The following SEPTIN11 variants were observed in gnomAD, a reference collection of about 807,000 sequenced individuals.
SEPTIN11 encodes septin 11.
A neutral mutation model predicts 51.4 loss-of-function variants in SEPTIN11; 25 were observed. The ratio of observed to expected loss-of-function variants is 0.49; its 90% confidence interval spans 0.35 to 0.68. SEPTIN11 has a LOEUF of 0.68. Ranked by LOEUF, SEPTIN11 falls within the 30% of genes least tolerant of loss-of-function variation. SEPTIN11 has a pLI of 0.00. For missense variants in SEPTIN11, 381 were observed against 520.8 expected, an observed-to-expected ratio of 0.73 and a Z score of 2.61; for synonymous variants, 174 against 184.1, an observed-to-expected ratio of 0.95 and a Z score of 0.44.
chr4:76,974,317 G>C (rs1722385983), intron 1 of SEPTIN11, among the ~76,000 whole-genome samples: 2 of 152,148 alleles, frequency 1.3e-5, no homozygotes, highest in Admixed American at 6.5e-5. Flanking sequence ...TTAAAGGTCA[G>C]TGACTCATGT....
At chr4:76,966,540 A>G (rs1227355804) in intron 1 of SEPTIN11, among the ~76,000 whole-genome samples, 1 of 152,086 alleles carries the variant, frequency 6.6e-6, no homozygotes, top group African/African-American at 2.4e-5. Context: ...TAAATCTAAC[A>G]ATAATACATC....
At chr4:77,012,985 G>T (rs972562792) in intron 4 of SEPTIN11, among the ~76,000 whole-genome samples, 2 of 152,178 alleles carry the variant, frequency 1.3e-5, no homozygotes, top group Non-Finnish European at 2.9e-5. Context: ...AGCCATGATA[G>T]TGGAGAGATC....
At chr4:76,960,002 T>C (rs549078490) in intron 1 of SEPTIN11, among the ~76,000 whole-genome samples, 1 of 152,332 alleles carries the variant, frequency 6.6e-6, no homozygotes, top group South Asian at 2.1e-4. Flanking sequence ...AACAATCTAA[T>C]TGTACTCTTT....
At chr4:77,004,878 A>C (rs1247059146) in intron 2 of SEPTIN11, among the ~76,000 whole-genome samples, 1 of 152,170 alleles carries the variant, frequency 6.6e-6, no homozygotes, top group Non-Finnish European at 1.5e-5. Context: ...TGGGAGGATC[A>C]CTTGAATCCA....
chr4:76,949,892 G>T lies in SEPTIN11; in HGVS notation c.-12G>T. ...GCACCCGGGCGCAGCCGGAGCCGGT[G>T]CCGCAGCTGCGATGGCCGTGGCCGT... On this transcript the variant is annotated 5_prime_UTR_variant, in exon 1 of 10. Transcript: ENST00000264893. 1 of 1,528,498 alleles carries T rather than the reference G, an allele frequency of 6.5e-7. No homozygotes were observed. Among genetic ancestry groups the T allele is most frequent in the South Asian group, 1.2e-5 (1 of 82,364 alleles). 94.7% of individuals were successfully genotyped at this position (1,528,498 alleles called of 1,614,324 possible).
In SEPTIN11 at chr4:77,015,032, CA is replaced by C. The variant is rs1395846062; in HGVS notation, c.687+18del. 2.5e-6 allele frequency: 4 copies of C among 1,609,554 alleles called. No homozygotes were observed. Among genetic ancestry groups the C allele is most frequent in the Non-Finnish European group, 3.4e-6 (4 of 1,177,426 alleles). Reference sequence around the variant, plus strand: ...CAACAATGAGTGTAAGTCCTCAAGTCAAATGGGAACAAGTGATTTTTATGAA... The same window carrying C: ...CAACAATGAGTGTAAGTCCTCAAGTCAATGGGAACAAGTGATTTTTATGAA... On this transcript the variant is annotated intron_variant, in intron 5 of 9. Coordinates refer to ENST00000264893, the MANE Select transcript of SEPTIN11 (RefSeq NM_018243.4).
chr4:77,017,968 A>G (rs991863033), intron 5 of SEPTIN11, among the ~76,000 whole-genome samples: 8 of 152,220 alleles, frequency 5.3e-5, no homozygotes, highest in African/African-American at 1.7e-4. Context: ...AATTTGTGCA[A>G]TAGTCAACTG....
chr4:76,966,398 G>A (rs963101864), intron 1 of SEPTIN11, among the ~76,000 whole-genome samples: 5 of 151,754 alleles, frequency 3.3e-5, no homozygotes, highest in Admixed American at 3.3e-4. Flanking sequence ...CTTGTAAAAT[G>A]ACTATGACCT....
intron 1 of SEPTIN11, among the ~76,000 whole-genome samples, chr4:76,965,777 T>C (rs1444596983): frequency 6.6e-6 from 1 of 152,174 alleles, no homozygotes; most frequent in East Asian, 1.9e-4. Flanking sequence ...TTTTCTCTCA[T>C]GACAGAGTGC....
At chr4:76,965,743 G>T (rs891982168) in intron 1 of SEPTIN11, among the ~76,000 whole-genome samples, 2 of 152,126 alleles carry the variant, frequency 1.3e-5, no homozygotes, top group Non-Finnish European at 2.9e-5. Flanking sequence ...TGCTTTTATA[G>T]TTTAATTTAG....
At chr4:76,958,766 T>C in intron 1 of SEPTIN11, 1 of 738,664 alleles carries the variant, frequency 1.4e-6, no homozygotes, top group Non-Finnish European at 2.2e-6. Context: ...GGCAATTAGG[T>C]TTATAATCTT....
intron 1 of SEPTIN11, among the ~76,000 whole-genome samples, chr4:76,995,036 A>G (rs890666921): frequency 2.7e-5 from 4 of 147,228 alleles, no homozygotes; most frequent in African/African-American, 1.0e-4. Flanking sequence ...GCAGTGAGCT[A>G]TGATCACACC....
At chr4:77,020,428 T>C (rs1423360047) in intron 6 of SEPTIN11, 74 bp from the exon 7 acceptor site, 2 of 1,539,716 alleles carry the variant, frequency 1.3e-6, no homozygotes, top group Admixed American at 3.5e-5. Context: ...AATAACATCT[T>C]GGAAGCATCA....
At chr4:76,995,573 A>T (rs1366206769) in intron 1 of SEPTIN11, among the ~76,000 whole-genome samples, 1 of 152,146 alleles carries the variant, frequency 6.6e-6, no homozygotes, top group African/African-American at 2.4e-5. Context: ...CATAACCATG[A>T]TATTATAACT....
At chr4:76,982,115 G>A (rs1057313392) in intron 1 of SEPTIN11, among the ~76,000 whole-genome samples, 8 of 152,068 alleles carry the variant, frequency 5.3e-5, no homozygotes, top group African/African-American at 1.9e-4. Flanking sequence ...TGATTTCCCT[G>A]CCCTTTGGGC....
intron 1 of SEPTIN11, among the ~76,000 whole-genome samples, chr4:76,957,515 A>C (rs1013606711): frequency 1.3e-5 from 2 of 152,218 alleles, no homozygotes. Context: ...GTTACAGATT[A>C]AGCCAGTTAG....
chr4:77,011,604 G>T, intron 3 of SEPTIN11, 131 bp from the exon 4 acceptor site: 1 of 735,130 alleles, frequency 1.4e-6, no homozygotes, highest in East Asian at 2.7e-5. Context: ...ATCAGGTGAT[G>T]GAAGGCCTGG....
intron 5 of SEPTIN11, among the ~76,000 whole-genome samples, chr4:77,017,279 G>T (rs560457912): frequency 6.6e-6 from 1 of 152,158 alleles, no homozygotes; most frequent in South Asian, 2.1e-4. Flanking sequence ...CAGATTAATA[G>T]AACTGAATCT....
At chr4:77,033,609 T>A (rs1726828088) in intron 9 of SEPTIN11, among the ~76,000 whole-genome samples, 1 of 152,202 alleles carries the variant, frequency 6.6e-6, no homozygotes, top group Non-Finnish European at 1.5e-5. Flanking sequence ...GAAGTCACTT[T>A]CCTTGTTTGC....
Sources: allele counts gnomAD v4.1 joint callset (sites outside exome capture counted in the v4.1 genomes callset), GRCh38; gene constraint gnomAD v4.1.1; transcripts MANE v1.5; gene names NCBI Gene and HGNC (gene_info 2026-07-23, HGNC 2026-07-21).